The following STK10 variants were observed in gnomAD, a reference collection of about 807,000 sequenced individuals.
STK10 encodes serine/threonine-protein kinase 10.
STK10 carries 78 observed loss-of-function variants against 113.8 expected under a neutral mutation model. The observed-to-expected ratio is 0.69, with a 90% CI of 0.57 to 0.83. The LOEUF (loss-of-function observed/expected upper bound fraction) is 0.83. STK10 is among the 40% of genes least tolerant of loss of function. The pLI is 0.00. For missense variants in STK10, 1,109 were observed against 1,280.1 expected (o/e 0.87, Z 2.04); for synonymous variants, 465 against 494.7 (o/e 0.94, Z 0.80).
chr5:172,179,543 A>G, intron 1 of STK10, among the ~76,000 whole-genome samples: 1 of 152,168 alleles, frequency 6.6e-6, no homozygotes, highest in East Asian at 1.9e-4. Flanking sequence ...TTGCTTTCGC[A>G]TCAGCCAAAA....
intron 2 of STK10, among the ~76,000 whole-genome samples, chr5:172,148,767 G>A (rs150004387): frequency 6.6e-6 from 1 of 152,372 alleles, no homozygotes; most frequent in African/African-American, 2.4e-5. Flanking sequence ...ATTCCAGGGG[G>A]CAGGAGAGAA....
rs6895573 is a variant in STK10 at position 172,117,515 on chromosome 5, G to A, written c.486C>T (p.Asn162=). 3,745 of 1,612,820 alleles carry A rather than the reference G, an allele frequency of 2.3e-3. 81 individuals carry two copies. In the African/African-American group the frequency reaches 0.042, roughly 18 times the overall value. ...TGTCTCCCTCGAGGGTCATCAGCAC[G>A]TTGCCAGCTTTCAGATCTCGGTGGA... is the stretch of plus-strand genomic sequence containing the variant. ...RIIHRDLKAG[N]VLMTLEGDIR... is the part of the protein sequence containing the mutation. The change falls in exon 4 of 19, where the codon AAC becomes AAT. Residue 162 remains asparagine (N), a synonymous_variant. Coordinates refer to ENST00000176763, the MANE Select transcript of STK10 (RefSeq NM_005990.4).
At chr5:172,045,470 C>T (rs1194120211) in intron 18 of STK10, 5 of 453,168 alleles carry the variant, frequency 1.1e-5, no homozygotes, top group East Asian at 6.9e-5. Context: ...GGCGACGGTG[C>T]GAGACTCCAT....
At chr5:172,049,815 T>C (rs1036871950) in intron 18 of STK10, among the ~76,000 whole-genome samples, 11 of 151,944 alleles carry the variant, frequency 7.2e-5, no homozygotes, top group Non-Finnish European at 1.6e-4. Flanking sequence ...TTTATTTTTA[T>C]TTTTTGAGAT....
At chr5:172,054,259 CAG>C (rs1767695783) in intron 17 of STK10, among the ~76,000 whole-genome samples, 1 of 152,210 alleles carries the variant, frequency 6.6e-6, no homozygotes, top group Non-Finnish European at 1.5e-5. Context: ...AGTGATGACT[CAG>C]AAACCCTGCA....
In STK10 at chr5:172,187,528, C is replaced by T. The variant is rs888653544; in HGVS notation, c.156+359G>A. ...AAAGTGTGCCCGTATCGCCGTTTTACGGAACGTCCCTGGAAGGTCCCTCGA... is the reference window on the plus strand; with the variant it reads ...AAAGTGTGCCCGTATCGCCGTTTTATGGAACGTCCCTGGAAGGTCCCTCGA... On this transcript the variant is annotated intron_variant, in intron 1 of 18. Transcript: ENST00000176763. The surrounding 1 kb of genome is among the most constrained non-coding windows in gnomAD (Gnocchi z 4.6). Among the ~76,000 whole-genome samples the T allele has an allele frequency of 6.6e-6, 1 of 152,192 alleles. No individual in the cohort carries two copies. Among genetic ancestry groups the T allele is most frequent in the Non-Finnish European group, 1.5e-5 (1 of 68,018 alleles).
At chr5:172,164,276 GAAC>G (rs1345153174) in intron 1 of STK10, among the ~76,000 whole-genome samples, 1 of 144,754 alleles carries the variant, frequency 6.9e-6, no homozygotes, top group East Asian at 2.0e-4. Context: ...TGCATTCTCA[GAAC>G]AACTGCTGAG....
intron 7 of STK10, 176 bp downstream of exon 7, chr5:172,105,480 G>A: frequency 7.6e-6 from 5 of 659,384 alleles, no homozygotes; most frequent in South Asian, 3.7e-5. Context: ...CGTTCCCCAA[G>A]GCACTCCCAA....
At position 172,082,270 on chromosome 5, in the gene STK10, C is replaced by G. The variant is rs1768449935; in HGVS notation, c.1989+56G>C. The stretch of plus-strand genomic sequence containing the variant: ...AGGTTGAGGCCACGATCACTTGCAA[C>G]CAAGAAGGCCCCTAATACTCCGAGA... On this transcript the variant is annotated intron_variant, in intron 12 of 18. Coordinates refer to ENST00000176763, the MANE Select transcript of STK10 (RefSeq NM_005990.4). The surrounding 1 kb of genome is among the most constrained non-coding windows in gnomAD (Gnocchi z 4.3). The G allele has an allele frequency of 7.0e-7, 1 of 1,436,540 alleles. No homozygotes were observed. Among genetic ancestry groups the G allele is most frequent in the Admixed American group, 2.7e-5 (1 of 37,188 alleles). The allele number at this position is 1,436,540 out of a possible 1,614,324, so 89.0% of individuals were successfully genotyped here.
At chr5:172,134,951 C>T (rs1299655520) in intron 2 of STK10, among the ~76,000 whole-genome samples, 1 of 150,954 alleles carries the variant, frequency 6.6e-6, no homozygotes, top group Non-Finnish European at 1.5e-5. Context: ...GAAAAAGTAA[C>T]CCACAAATGG....
rs558015559 is a variant in STK10 at position 172,178,037 on chromosome 5, A to G, written c.156+9850T>C. Among the ~76,000 whole-genome samples the G allele has an allele frequency of 2.6e-5, 4 of 152,308 alleles. No homozygotes were observed. The South Asian group carries it at 8.3e-4, about 32-fold the overall frequency. Reference sequence around the variant, plus strand: ...CAGATGAAGTTTCACCATGTTGGCCAGGCTGGTCTCGAACTCCTGACCTCA... The same window carrying G: ...CAGATGAAGTTTCACCATGTTGGCCGGGCTGGTCTCGAACTCCTGACCTCA... On this transcript the variant is annotated intron_variant, in intron 1 of 18. Coordinates refer to ENST00000176763, the MANE Select transcript of STK10 (RefSeq NM_005990.4).
chr5:172,108,613 CAAAAAAAA>C (rs1184891478), intron 4 of STK10, among the ~76,000 whole-genome samples: 9 of 64,896 alleles, frequency 1.4e-4, no homozygotes, highest in African/African-American at 3.6e-4. Context: ...GAGACTGTCT[CAAAAAAAA>C]AAAAAAAAAA....
chr5:172,185,263 GTTTGTTTTGT>G (rs1191700339), intron 1 of STK10, among the ~76,000 whole-genome samples: 1 of 151,914 alleles, frequency 6.6e-6, no homozygotes, highest in Non-Finnish European at 1.5e-5. Flanking sequence ...AAGCCCATAT[GTTTGTTTTGT>G]TTTGTTTTGT....
At chr5:172,047,899 G>GTTTTTT (rs11438537) in intron 18 of STK10, among the ~76,000 whole-genome samples, 8 of 109,798 alleles carry the variant, frequency 7.3e-5, no homozygotes, top group East Asian at 2.6e-4. Flanking sequence ...TGTTTTTTGG[G>GTTTTTT]TTTTTTTTTT....
chr5:172,138,652 A>C (rs1274527329), intron 2 of STK10, among the ~76,000 whole-genome samples: 1 of 152,188 alleles, frequency 6.6e-6, no homozygotes, highest in East Asian at 1.9e-4. Context: ...TAAAAACTTA[A>C]GAAGAAATAA....
chr5:172,156,917 C>G (rs1770360226), intron 1 of STK10, 129 bp from the exon 2 acceptor site: 1 of 1,066,610 alleles, frequency 9.4e-7, no homozygotes, highest in African/African-American at 1.6e-5. Context: ...CCGGAACGTA[C>G]ATTGTTCTTA....
intron 1 of STK10, 54 bp from the exon 2 acceptor site, chr5:172,156,842 C>A: frequency 6.4e-7 from 1 of 1,571,272 alleles, no homozygotes; most frequent in Admixed American, 1.8e-5. Context: ...GGAAACTGAC[C>A]TTTGGACGTG....
At chr5:172,164,703 A>T (rs1770533569) in intron 1 of STK10, among the ~76,000 whole-genome samples, 1 of 152,100 alleles carries the variant, frequency 6.6e-6, no homozygotes, top group Non-Finnish European at 1.5e-5. Flanking sequence ...CTCTGATGAG[A>T]GCCGTCTTAG....
At chr5:172,062,756 T>C (rs1338777036) in intron 13 of STK10, among the ~76,000 whole-genome samples, 1 of 152,192 alleles carries the variant, frequency 6.6e-6, no homozygotes, top group Non-Finnish European at 1.5e-5. Context: ...AAATGGAGAA[T>C]TACGGTTTGA....
Sources: gnomAD v4.1 joint callset for allele counts (sites outside exome capture counted in the v4.1 genomes callset) on GRCh38, gnomAD v4.1.1 for gene constraint, Gnocchi (gnomAD v3.1) non-coding constraint, MANE v1.5 for transcripts, NCBI Gene and HGNC (gene_info 2026-07-23, HGNC 2026-07-21) for gene names.